ACSL3: variants seen among roughly 807,000 people sequenced by gnomAD.
ACSL3 encodes fatty acid CoA ligase Acsl3.
ACSL3 carries 34 observed loss-of-function variants against 84.7 expected under a neutral mutation model. The observed-to-expected ratio is 0.40, with a 90% CI of 0.31 to 0.53. ACSL3 has a LOEUF of 0.53. Among genes scored for constraint, ACSL3 ranks in the 20% least tolerant of loss-of-function variants. The pLI is 0.48. For synonymous variants in ACSL3, 315 were observed against 299.4 expected, an observed-to-expected ratio of 1.05 and a Z score of -0.54; for missense variants, 680 against 873.1, an observed-to-expected ratio of 0.78 and a Z score of 2.79.
At chr2:222,939,284 C>T (rs1287801933) in intron 16 of ACSL3, among the ~76,000 whole-genome samples, 1 of 152,152 alleles carries the variant, frequency 6.6e-6, no homozygotes, top group Non-Finnish European at 1.5e-5. Flanking sequence ...AGCCCTACTA[C>T]GGATTCTAGA....
intron 14 of ACSL3, among the ~76,000 whole-genome samples, chr2:222,931,523 C>A (rs1697030696): frequency 6.6e-6 from 1 of 152,142 alleles, no homozygotes; most frequent in African/African-American, 2.4e-5. Context: ...TATTTTATAT[C>A]CCACTAGTTT....
intron 1 of ACSL3, among the ~76,000 whole-genome samples, chr2:222,867,462 AGT>A (rs2106080801): frequency 6.6e-6 from 1 of 152,260 alleles, no homozygotes; most frequent in Admixed American, 6.5e-5. Context: ...TTCCTTAGAC[AGT>A]GTATAGTATT....
rs1697412462 is a variant in ACSL3 at position 222,944,559 on chromosome 2, A to G, written c.*2905A>G. Reference sequence around the variant, plus strand: ...GAAGACGTGTATCATAAAGAGCTACATGGTATGGACTATTTATTTGTAATT... The same window carrying G: ...GAAGACGTGTATCATAAAGAGCTACGTGGTATGGACTATTTATTTGTAATT... On this transcript the variant is annotated 3_prime_UTR_variant, in exon 17 of 17. Transcript: ENST00000357430. The G allele has an allele frequency of 6.6e-6, 1 of 151,452 alleles. No homozygotes were observed. Among genetic ancestry groups the G allele is most frequent in the Middle Eastern group, 3.2e-3 (1 of 314 alleles). The allele number at this position is 151,452 out of a possible 1,614,324, so 9.4% of individuals were successfully genotyped here.
intron 4 of ACSL3, among the ~76,000 whole-genome samples, chr2:222,910,751 A>G (rs1444550959): frequency 6.6e-6 from 1 of 152,212 alleles, no homozygotes; most frequent in Admixed American, 6.5e-5. Context: ...ATCCTGATTT[A>G]TACTTGTTGC....
At chr2:222,912,888 T>TA (rs1257936142) in intron 4 of ACSL3, among the ~76,000 whole-genome samples, 1 of 152,184 alleles carries the variant, frequency 6.6e-6, no homozygotes, top group African/African-American at 2.4e-5. Flanking sequence ...GTAGCAGAGT[T>TA]AAGAGCTGGA....
chr2:222,937,615 T>C (rs920933113), intron 16 of ACSL3, among the ~76,000 whole-genome samples: 4 of 152,194 alleles, frequency 2.6e-5, no homozygotes, highest in Non-Finnish European at 5.9e-5. Flanking sequence ...TATTTAAGTA[T>C]GGCCATCCCC....
intron 4 of ACSL3, among the ~76,000 whole-genome samples, chr2:222,910,257 G>A (rs190319366): frequency 3.3e-5 from 5 of 152,330 alleles, no homozygotes; most frequent in African/African-American, 7.2e-5. Flanking sequence ...TTGGATATGT[G>A]ACTTCCTTAT....
chr2:222,903,219 T>G (rs989244117), intron 3 of ACSL3, among the ~76,000 whole-genome samples: 1 of 152,176 alleles, frequency 6.6e-6, no homozygotes, highest in Admixed American at 6.5e-5. Context: ...CTTATCGCAC[T>G]TTTCATCTCC....
At chr2:222,882,513 C>T (rs1371701132) in intron 1 of ACSL3, among the ~76,000 whole-genome samples, 1 of 152,136 alleles carries the variant, frequency 6.6e-6, no homozygotes, top group Non-Finnish European at 1.5e-5. Flanking sequence ...AACTGCTCCA[C>T]CTCAGATCAT....
chr2:222,937,143 T>G (rs1467769403), intron 16 of ACSL3, among the ~76,000 whole-genome samples: 1 of 152,236 alleles, frequency 6.6e-6, no homozygotes, highest in Non-Finnish European at 1.5e-5. Flanking sequence ...GTCTTTCACC[T>G]CCTTGGTTAG....
intron 13 of ACSL3, among the ~76,000 whole-genome samples, chr2:222,929,923 CTTTTTTTTTTT>C (rs56685446): frequency 1.3e-5 from 1 of 77,368 alleles, no homozygotes; most frequent in East Asian, 4.4e-4. Context: ...TAGTAACTCA[CTTTTTTTTTTT>C]TTTTTTTTTT....
At chr2:222,895,230 G>T (rs940952946) in intron 2 of ACSL3, among the ~76,000 whole-genome samples, 2 of 151,980 alleles carry the variant, frequency 1.3e-5, no homozygotes, top group East Asian at 3.9e-4. Context: ...CACATCCAAT[G>T]ATTTTGCTTA....
intron 6 of ACSL3, 24 bp downstream of exon 6, chr2:222,918,179 A>G (rs1217273422): frequency 1.4e-6 from 2 of 1,477,166 alleles, no homozygotes; most frequent in Non-Finnish European, 1.9e-6. Context: ...TTACTTTCTA[A>G]CTGTCTGATA....
chr2:222,862,290 C>T (rs1382434176), intron 1 of ACSL3, among the ~76,000 whole-genome samples: 1 of 152,192 alleles, frequency 6.6e-6, no homozygotes, highest in Non-Finnish European at 1.5e-5. Context: ...ACTTAGCTTG[C>T]CTCAGATCTC....
intron 3 of ACSL3, among the ~76,000 whole-genome samples, chr2:222,907,547 A>C (rs1696323592): frequency 6.6e-6 from 1 of 152,078 alleles, no homozygotes; most frequent in Admixed American, 6.6e-5. Flanking sequence ...AATTGCTTGA[A>C]GCCAGGAGTT....
At chr2:222,906,802 A>G (rs886384857) in intron 3 of ACSL3, among the ~76,000 whole-genome samples, 29 of 151,984 alleles carry the variant, frequency 1.9e-4, no homozygotes, top group African/African-American at 6.8e-4. Context: ...TTTAGTAGAG[A>G]CGGGGTTTCA....
intron 14 of ACSL3, among the ~76,000 whole-genome samples, chr2:222,932,049 A>G (rs1559303124): frequency 6.6e-6 from 1 of 152,178 alleles, no homozygotes; most frequent in Non-Finnish European, 1.5e-5. Context: ...TCTCAAAACC[A>G]ACCAACCATC....
chr2:222,932,462 G>A (rs1050638775), intron 14 of ACSL3, among the ~76,000 whole-genome samples: 6 of 152,128 alleles, frequency 3.9e-5, no homozygotes, highest in Non-Finnish European at 8.8e-5. Context: ...CTGAGTAGCT[G>A]GGATTACAGG....
intron 1 of ACSL3, among the ~76,000 whole-genome samples, chr2:222,867,961 CTTTAG>C (rs1306916396): frequency 6.8e-6 from 1 of 147,704 alleles, no homozygotes; most frequent in Non-Finnish European, 1.5e-5. Context: ...GTAATCTTTA[CTTTAG>C]TTAACTTTCT....
Sources: allele counts gnomAD v4.1 joint callset (sites outside exome capture counted in the v4.1 genomes callset), GRCh38; gene constraint gnomAD v4.1.1; transcripts MANE v1.5; gene names NCBI Gene and HGNC (gene_info 2026-07-23, HGNC 2026-07-21).